The following IL1RL1 variants were observed in gnomAD, a reference collection of about 807,000 sequenced individuals.
IL1RL1 encodes interleukin-1 receptor-like 1.
A neutral mutation model predicts 50.9 loss-of-function variants in IL1RL1; 32 were observed. The ratio of observed to expected loss-of-function variants is 0.63; its 90% CI spans 0.47 to 0.84. The LOEUF is 0.84. Ranked by LOEUF, IL1RL1 falls within the 40% of genes least tolerant of loss-of-function variation. The pLI, the probability that IL1RL1 is intolerant of heterozygous loss-of-function variation, is 0.00. For synonymous variants in IL1RL1, 275 were observed against 236.0 expected (o/e 1.17, Z -1.51); for missense variants, 773 against 662.9 (o/e 1.17, Z -1.82).
At chr2:102,321,340 T>C (rs959619827) in intron 1 of IL1RL1, among the ~76,000 whole-genome samples, 6 of 152,226 alleles carry the variant, frequency 3.9e-5, no homozygotes, top group African/African-American at 1.4e-4. Context: ...GTGTGGTGCA[T>C]TGCTGTATCC....
At position 102,349,196 on chromosome 2, in the gene IL1RL1, A is replaced by G; in HGVS notation, c.1235A>G (p.Lys412Arg). The change falls in exon 10 of 11, where the codon AAA becomes AGA. Residue 412 changes from lysine to arginine, a missense_variant. By Grantham distance (26) the Lys-to-Arg change is conservative. Coordinates refer to ENST00000233954, the MANE Select transcript of IL1RL1 (RefSeq NM_016232.5). ...ATTCTGCCTGATGTTCTTGAAAATA[A>G]ATGTGGCTATACCTTATGCATTTAT... ...HQILPDVLEN[K>R]CGYTLCIYGR... is the part of the protein sequence containing the mutation. 6.2e-7 allele frequency: 1 copy of G among 1,614,042 alleles called. No individual in the cohort carries two copies. Among genetic ancestry groups the G allele is most frequent in the South Asian group, 1.1e-5 (1 of 91,080 alleles).
intron 1 of IL1RL1, among the ~76,000 whole-genome samples, chr2:102,322,074 G>A (rs1676852570): frequency 6.6e-6 from 1 of 152,046 alleles, no homozygotes; most frequent in African/African-American, 2.4e-5. Flanking sequence ...TGAGATTGTG[G>A]GGCCTGGCAG....
At chr2:102,326,769 A>C (rs1677013958) in intron 1 of IL1RL1, among the ~76,000 whole-genome samples, 2 of 152,206 alleles carry the variant, frequency 1.3e-5, no homozygotes, top group African/African-American at 2.4e-5. Flanking sequence ...GCCATTAAAT[A>C]ATGGTAAAGG....
rs1319350040 is a variant in IL1RL1 at position 102,327,168 on chromosome 2, T to G, written c.-149-10948T>G. 2.0e-5 allele frequency among the ~76,000 whole-genome samples: 3 copies of G among 152,234 alleles called. No homozygotes were observed. In the East Asian group the frequency reaches 5.8e-4, roughly 29 times the overall value. On this transcript the variant is annotated intron_variant, in intron 1 of 10. Transcript: ENST00000233954. ...TAACAAACTCTCTCTTAGACCACAG[T>G]GCAATCAAACTAGAACTCAGGATTA...
intron 8 of IL1RL1, chr2:102,346,238 T>C (rs1440776481): frequency 1.2e-5 from 2 of 166,696 alleles, no homozygotes; most frequent in Admixed American, 6.5e-5. Context: ...ATAATAATAA[T>C]ACACATTTAT....
intron 10 of IL1RL1, 125 bp downstream of exon 10, chr2:102,349,371 T>C: frequency 2.9e-6 from 2 of 701,548 alleles, no homozygotes; most frequent in Non-Finnish European, 4.9e-6. Flanking sequence ...GACCAGAACT[T>C]TAAATATTTA....
intron 6 of IL1RL1, 31 bp downstream of exon 6, chr2:102,342,325 T>C (rs763011835): frequency 3.3e-6 from 5 of 1,493,546 alleles, no homozygotes; most frequent in South Asian, 1.1e-5. Flanking sequence ...GCTGTAAATA[T>C]TGCCTGGAAA....
intron 8 of IL1RL1, chr2:102,343,945 T>C (rs1161576137): frequency 1.0e-6 from 1 of 980,822 alleles, no homozygotes; most frequent in African/African-American, 1.8e-5. Flanking sequence ...AATAAGACAT[T>C]TGTTAGGCCA....
At chr2:102,320,059 A>G (rs1419584655) in intron 1 of IL1RL1, among the ~76,000 whole-genome samples, 1 of 152,198 alleles carries the variant, frequency 6.6e-6, no homozygotes, top group Non-Finnish European at 1.5e-5. Flanking sequence ...AAACTATAAG[A>G]AGTCTTTCAA....
intron 8 of IL1RL1, chr2:102,345,757 T>C (rs907229748): frequency 1.0e-6 from 1 of 985,292 alleles, no homozygotes; most frequent in Non-Finnish European, 1.2e-6. Flanking sequence ...GTTCTGTGGG[T>C]CTCTGGTGTC....
At chr2:102,315,872 T>C (rs7594361) in intron 1 of IL1RL1, among the ~76,000 whole-genome samples, 1,814 of 152,312 alleles carry the variant, frequency 0.012, 35 homozygotes, top group African/African-American at 0.041. Flanking sequence ...AGCAACCAAA[T>C]GAATTACTTA....
chr2:102,335,331 T>C lies in IL1RL1; in HGVS notation c.-149-2785T>C, dbSNP rs142792539. 1.3e-3 allele frequency among the ~76,000 whole-genome samples: 203 copies of C among 152,318 alleles called. 1 individual carries two copies. In the Middle Eastern group the frequency reaches 0.014, roughly 10 times the overall value. On this transcript the variant is annotated intron_variant, in intron 1 of 10. Coordinates refer to ENST00000233954, the MANE Select transcript of IL1RL1 (RefSeq NM_016232.5). ...CAGTCCAAATTATAAAAAGAAAAGC[T>C]TTACCAGCCTAATCTCTGGTATAGA...
intron 1 of IL1RL1, among the ~76,000 whole-genome samples, chr2:102,332,824 G>A (rs563618000): frequency 6.7e-4 from 97 of 143,988 alleles, no homozygotes; most frequent in African/African-American, 2.1e-3. Flanking sequence ...AAATTTCAGC[G>A]CAATTTTTAA....
intron 1 of IL1RL1, among the ~76,000 whole-genome samples, chr2:102,316,240 G>T (rs1209140257): frequency 6.6e-6 from 1 of 152,206 alleles, no homozygotes; most frequent in African/African-American, 2.4e-5. Context: ...TTCTTTGATA[G>T]GAGGAGTCCT....
chr2:102,341,493 C>A, intron 5 of IL1RL1: 1 of 285,528 alleles, frequency 3.5e-6, no homozygotes, highest in Non-Finnish European at 5.5e-6. Flanking sequence ...AGTCGATCTA[C>A]AGACGTAGAT....
At chr2:102,318,663 T>C (rs541855423) in intron 1 of IL1RL1, among the ~76,000 whole-genome samples, 26 of 152,152 alleles carry the variant, frequency 1.7e-4, no homozygotes, top group African/African-American at 6.3e-4. Context: ...GGAGTGAGTG[T>C]GGACAGAGAA....
chr2:102,348,148 G>A (rs556119117), intron 9 of IL1RL1, 57 bp downstream of exon 9: 2 of 1,390,952 alleles, frequency 1.4e-6, no homozygotes, highest in East Asian at 4.6e-5. Context: ...ATAACTGTTG[G>A]TTACCTGTCT....
At chr2:102,333,477 T>A (rs564050828) in intron 1 of IL1RL1, among the ~76,000 whole-genome samples, 3 of 152,300 alleles carry the variant, frequency 2.0e-5, no homozygotes, top group Non-Finnish European at 4.4e-5. Flanking sequence ...AGATGCTGAA[T>A]TTTCTTTGGG....
intron 1 of IL1RL1, among the ~76,000 whole-genome samples, chr2:102,312,371 C>G (rs1196276636): frequency 1.3e-5 from 2 of 151,138 alleles, no homozygotes; most frequent in African/African-American, 2.4e-5. Context: ...AATCATGGTA[C>G]AGATTGATGA....
Sources: gnomAD v4.1 joint callset for allele counts (sites outside exome capture counted in the v4.1 genomes callset) on GRCh38, gnomAD v4.1.1 for gene constraint, MANE v1.5 for transcripts, NCBI Gene and HGNC (gene_info 2026-07-23, HGNC 2026-07-21) for gene names.